ZNF777: variants seen among roughly 807,000 people sequenced by gnomAD.
ZNF777 encodes the protein zinc finger protein 777.
Under a neutral mutation model 72.1 loss-of-function variants are expected in ZNF777, and 7 were observed. The observed-to-expected ratio is 0.10, with a 90% CI of 0.06 to 0.18. The LOEUF (loss-of-function observed/expected upper bound fraction) is 0.18. ZNF777 is among the 10% of genes least tolerant of loss of function. The pLI is 1.00. For synonymous variants in ZNF777, 545 were observed against 483.5 expected, an observed-to-expected ratio of 1.13 and a Z score of -1.67; for missense variants, 828 against 1,128.6, an observed-to-expected ratio of 0.73 and a Z score of 3.82.
In ZNF777 at chr7:149,432,469, G is replaced by A. The variant is rs1198149517; in HGVS notation, c.1803C>T (p.Gly601=). 4 of 1,613,684 alleles carry A rather than the reference G, an allele frequency of 2.5e-6. No individual in the cohort carries two copies. The highest frequency in any genetic ancestry group is 3.4e-6 in the Non-Finnish European group (4 of 1,179,880). ...LHQRIHRVRG[G]CVSPERGPTF... ...TGGGCCCGCGTTCGGGTGAGACGCA[G>A]CCTCCGCGCACGCGGTGGATGCGCT... Residue 601 remains glycine, a synonymous_variant, in exon 6 of 6, where the codon GGC becomes GGT. Transcript: ENST00000247930.
At position 149,460,169 on chromosome 7, in the gene ZNF777, G is replaced by A. The variant is rs1229098403; in HGVS notation, c.-16+646C>T. On this transcript the variant is annotated intron_variant, in intron 1 of 5. Coordinates refer to ENST00000247930, the MANE Select transcript of ZNF777 (RefSeq NM_015694.3). The surrounding 1 kb of genome is among the most constrained non-coding windows in gnomAD (Gnocchi z 6.1). ...CATGGCCCTGCGCTGTCCGGCCCGG[G>A]CCCCCGGAGTCGCCGCCGCTACTGC... 2 of 935,556 alleles carry A rather than the reference G, an allele frequency of 2.1e-6. No homozygotes were observed. The highest frequency in any genetic ancestry group is 1.2e-4 in the East Asian group (1 of 8,532). 58.0% of individuals were successfully genotyped at this position (935,556 alleles called of 1,614,324 possible).
intron 4 of ZNF777, among the ~76,000 whole-genome samples, chr7:149,442,004 T>TC (rs1304201091): frequency 2.0e-5 from 3 of 151,238 alleles, no homozygotes; most frequent in African/African-American, 7.3e-5. Flanking sequence ...ACTCCTGACG[T>TC]CAGGAGTTCG....
rs1368868883 is a variant in ZNF777 at position 149,437,767 on chromosome 7, T to TAAAC, written c.1088-945_1088-942dup. 2.0e-5 allele frequency among the ~76,000 whole-genome samples: 3 copies of TAAAC among 149,878 alleles called. No homozygotes were observed. The East Asian group carries it at 5.9e-4, about 29-fold the overall frequency. On this transcript the variant is annotated intron_variant, in intron 4 of 5. Coordinates refer to ENST00000247930, the MANE Select transcript of ZNF777 (RefSeq NM_015694.3). The stretch of plus-strand genomic sequence containing the variant: ...TTTCTCTGTGCTTATGTTGTTATTC[T>TAAAC]AAACAACACATACACATTTATATGT...
rs1337973974 is a variant in ZNF777, at chr7:149,455,715, G to A, written c.308C>T (p.Thr103Ile). The stretch of plus-strand genomic sequence containing the variant: ...AGCAGCAGCTGGGGGTGGATACTGG[G>A]TCCCTTCCTGGGAAGCCAGGGGGCC... The part of the protein sequence containing the change: ...LQGPLASQEG[T>I]QYPPPAAAEQ... Residue 103 changes from threonine (T) to isoleucine (I), a missense_variant, in exon 2 of 6, where the codon ACC becomes ATC. Physicochemically the swap from Thr to Ile is moderately conservative, Grantham distance 89. Coordinates refer to ENST00000247930, the MANE Select transcript of ZNF777 (RefSeq NM_015694.3). The surrounding 1 kb of genome is among the most constrained non-coding windows in gnomAD (Gnocchi z 4.2). 1 of 1,577,674 alleles carries A rather than the reference G, an allele frequency of 6.3e-7. No individual in the cohort carries two copies. Among genetic ancestry groups the A allele is most frequent in the Non-Finnish European group, 8.6e-7 (1 of 1,161,876 alleles).
Position 149,460,180 on chromosome 7 carries a change from CGCCGCCGCTACT to C in ZNF777, c.-16+623_-16+634del. The C allele has an allele frequency of 1.2e-6, 1 of 869,430 alleles. No homozygotes were observed. Among genetic ancestry groups the C allele is most frequent in the Non-Finnish European group, 1.4e-6 (1 of 727,554 alleles). The allele number at this position is 869,430 out of a possible 1,614,324, so 53.9% of individuals were successfully genotyped here. A position where few individuals can be genotyped will look rare whatever the true frequency, so the allele number is the denominator to read the frequency against. On this transcript the variant is annotated intron_variant, in intron 1 of 5. Transcript: ENST00000247930. This position sits in a 1 kb window ranked among gnomAD's most constrained non-coding sequence, Gnocchi z 6.1. ...GCTGTCCGGCCCGGGCCCCCGGAGT[CGCCGCCGCTACT>C]GCCGCCGCCGCTACTGCGCGCGGCC...
At chr7:149,448,580 T>C (rs1799655233) in intron 4 of ZNF777, among the ~76,000 whole-genome samples, 3 of 4,328 alleles carry the variant, frequency 6.9e-4, no homozygotes, top group Non-Finnish European at 1.2e-3. Context: ...TACATATAAC[T>C]ATATATATAT....
chr7:149,453,748 T>A (rs1210385430), intron 3 of ZNF777, among the ~76,000 whole-genome samples: 1 of 152,216 alleles, frequency 6.6e-6, no homozygotes, highest in African/African-American at 2.4e-5. Context: ...CAGCACACTT[T>A]CCTTTCATTC....
At chr7:149,452,923 T>G (rs1189638389) in intron 3 of ZNF777, among the ~76,000 whole-genome samples, 1 of 152,242 alleles carries the variant, frequency 6.6e-6, no homozygotes, top group Non-Finnish European at 1.5e-5. Flanking sequence ...CATAACACTT[T>G]GTAACAGTCA....
chr7:149,452,088 A>C (rs1799728722), intron 3 of ZNF777, among the ~76,000 whole-genome samples: 1 of 151,236 alleles, frequency 6.6e-6, no homozygotes, highest in South Asian at 2.1e-4. Flanking sequence ...ACATGGTGAA[A>C]CCCCGTCTCT....
chr7:149,449,900 C>T (rs1799683445), intron 4 of ZNF777, among the ~76,000 whole-genome samples: 2 of 152,166 alleles, frequency 1.3e-5, no homozygotes, highest in Non-Finnish European at 2.9e-5. Context: ...TGTATTTTTA[C>T]AGGGTTCTGT....
chr7:149,448,485 CTATATATA>C (rs61005836), intron 4 of ZNF777, among the ~76,000 whole-genome samples: 1,357 of 104,552 alleles, frequency 0.013, 68 homozygotes, highest in African/African-American at 0.059. Flanking sequence ...CAAAACAAAA[CTATATATA>C]TATATATATA....
chr7:149,444,665 T>A (rs1395388531), intron 4 of ZNF777, among the ~76,000 whole-genome samples: 1 of 152,238 alleles, frequency 6.6e-6, no homozygotes, highest in African/African-American at 2.4e-5. Context: ...CATTGAATTA[T>A]AAGTTGGAAA....
At chr7:149,459,085 C>T (rs965179770) in intron 1 of ZNF777, among the ~76,000 whole-genome samples, 1 of 152,160 alleles carries the variant, frequency 6.6e-6, no homozygotes, top group Non-Finnish European at 1.5e-5. Context: ...AAGGCCTGAG[C>T]CCAGAGTAAG....
rs531282120 is a variant in ZNF777 at position 149,455,868 on chromosome 7, C to T, written c.155G>A (p.Arg52His). 2.5e-5 allele frequency: 41 copies of T among 1,613,176 alleles called. No homozygotes were observed. The highest frequency in any genetic ancestry group is 8.8e-5 in the South Asian group (8 of 91,016). The change falls in exon 2 of 6, where the codon CGT becomes CAT. Residue 52 changes from arginine (R) to histidine (H), a missense_variant. Around this residue, in one of 12 missense-constraint regions of ZNF777, gnomAD observed 222 missense variants for 211.2 expected, o/e 1.05. Transcript: ENST00000247930. This position sits in a 1 kb window ranked among gnomAD's most constrained non-coding sequence, Gnocchi z 4.2. ...GGAAGTTTGGGGCAGGGAGCCTTGA[C>T]GGGGAATGGTGGGAGACAAAGAAGG... is the stretch of plus-strand genomic sequence containing the variant. ...EIPSLSPTIPRQGSLPQTSSA... is the reference protein window; with the variant it reads ...EIPSLSPTIPHQGSLPQTSSA...
chr7:149,458,526 C>CAAAA (rs1263688602), intron 1 of ZNF777, among the ~76,000 whole-genome samples: 1 of 151,984 alleles, frequency 6.6e-6, no homozygotes, highest in Admixed American at 6.6e-5. Context: ...CAAAACAAAA[C>CAAAA]AAAACAAAAC....
intron 2 of ZNF777, among the ~76,000 whole-genome samples, chr7:149,454,670 C>A (rs753963008): frequency 2.6e-4 from 40 of 152,350 alleles, no homozygotes; most frequent in Non-Finnish European, 4.4e-4. Context: ...AGTCCACACT[C>A]AAGCTCTTTC....
chr7:149,456,167 T>G (rs1799828239), intron 1 of ZNF777, 130 bp from the exon 2 acceptor site: 1 of 961,744 alleles, frequency 1.0e-6, no homozygotes, highest in African/African-American at 1.6e-5. Flanking sequence ...CCCTCATATG[T>G]GAATCTCTTC....
At chr7:149,459,356 T>C (rs990222396) in intron 1 of ZNF777, among the ~76,000 whole-genome samples, 2 of 152,052 alleles carry the variant, frequency 1.3e-5, no homozygotes, top group African/African-American at 2.4e-5. Context: ...CCCCAACCCC[T>C]GAGAAGCTTA....
At chr7:149,454,260 C>T in intron 2 of ZNF777, 23 bp from the exon 3 acceptor site, 1 of 1,613,408 alleles carries the variant, frequency 6.2e-7, no homozygotes, top group Non-Finnish European at 8.5e-7. Flanking sequence ...AATAACTCGG[C>T]TCAGACCCGC....
Sources: allele counts gnomAD v4.1 joint callset (sites outside exome capture counted in the v4.1 genomes callset), GRCh38; gene constraint gnomAD v4.1.1; regional missense constraint gnomAD v4.1.1; non-coding constraint Gnocchi (gnomAD v3.1); transcripts MANE v1.5; gene names NCBI Gene and HGNC (gene_info 2026-07-23, HGNC 2026-07-21).